Variants in GPC6 observed in about 807,000 individuals in gnomAD.
GPC6 encodes glypican-6.
In GPC6, 14 loss-of-function variants were observed where a neutral mutation model predicts 55.2. The observed-to-expected ratio is 0.25, with a 90% CI of 0.17 to 0.40. The LOEUF is 0.40. Among genes scored for constraint, GPC6 ranks in the 10% least tolerant of loss-of-function variants. GPC6 has a pLI of 1.00. For synonymous variants in GPC6, 278 were observed against 259.6 expected (o/e 1.07, Z -0.68); for missense variants, 641 against 708.5 (o/e 0.90, Z 1.08).
chr13:94,039,702 G>C (rs1315718555), intron 4 of GPC6, among the ~76,000 whole-genome samples: 1 of 151,840 alleles, frequency 6.6e-6, no homozygotes. Context: ...CAAACCATTG[G>C]AGGGTTTTCA....
chr13:93,731,686 A>T (rs1356638295), intron 2 of GPC6, among the ~76,000 whole-genome samples: 2 of 152,190 alleles, frequency 1.3e-5, no homozygotes, highest in East Asian at 1.9e-4. Flanking sequence ...TCCATTGTAC[A>T]TCTAGATATG....
At chr13:94,105,863 C>T (rs1022158847) in intron 4 of GPC6, among the ~76,000 whole-genome samples, 1 of 152,094 alleles carries the variant, frequency 6.6e-6, no homozygotes, top group Non-Finnish European at 1.5e-5. Flanking sequence ...GGTGTTAATG[C>T]CCACTGTAGG....
Position 93,495,543 on chromosome 13 carries a change from C to G in GPC6, c.161-49720C>G, listed in dbSNP as rs1027577875. On this transcript the variant is annotated intron_variant, in intron 1 of 8. Transcript: ENST00000377047. Reference sequence around the variant, plus strand: ...TCAGCTCGTCAAAATCATTCTCCATCCAGCTTTGTTCCGTTGCTGGTGAGG... The same window carrying G: ...TCAGCTCGTCAAAATCATTCTCCATGCAGCTTTGTTCCGTTGCTGGTGAGG... Among the ~76,000 whole-genome samples, 385 of 135,342 alleles carry G rather than the reference C, an allele frequency of 2.8e-3. 2 individuals carry two copies. The highest frequency in any genetic ancestry group is 4.8e-3 in the Non-Finnish European group (306 of 63,306). 88.8% of individuals were successfully genotyped at this position (135,342 alleles called of 152,430 possible). A position where few individuals can be genotyped will look rare whatever the true frequency, so the allele number is the denominator to read the frequency against.
At chr13:93,688,368 G>C (rs1410516405) in intron 2 of GPC6, among the ~76,000 whole-genome samples, 2 of 152,082 alleles carry the variant, frequency 1.3e-5, no homozygotes, top group Admixed American at 6.6e-5. Context: ...AGTTTTGGCT[G>C]TTCCTTAAAA....
intron 2 of GPC6, among the ~76,000 whole-genome samples, chr13:93,740,387 C>T (rs1007497614): frequency 5.9e-5 from 9 of 152,204 alleles, no homozygotes; most frequent in African/African-American, 2.2e-4. Context: ...GAGTCTAATT[C>T]CATGGACAAG....
chr13:93,404,785 G>A (rs1269890517), intron 1 of GPC6, among the ~76,000 whole-genome samples: 1 of 151,982 alleles, frequency 6.6e-6, no homozygotes, highest in Non-Finnish European at 1.5e-5. Flanking sequence ...TAGATTGGTA[G>A]ATTTCTATCA....
At chr13:93,868,019 G>T (rs1889020756) in intron 3 of GPC6, among the ~76,000 whole-genome samples, 1 of 151,744 alleles carries the variant, frequency 6.6e-6, no homozygotes, top group African/African-American at 2.4e-5. Flanking sequence ...TGAAGTCCCT[G>T]AGGTTACTCG....
At chr13:93,252,910 T>A (rs977136540) in intron 1 of GPC6, among the ~76,000 whole-genome samples, 1 of 152,266 alleles carries the variant, frequency 6.6e-6, no homozygotes, top group Non-Finnish European at 1.5e-5. Context: ...ATATTTTCTT[T>A]GAAAGATTGC....
At chr13:93,749,000 G>C (rs1884492244) in intron 2 of GPC6, among the ~76,000 whole-genome samples, 1 of 151,900 alleles carries the variant, frequency 6.6e-6, no homozygotes, top group African/African-American at 2.4e-5. Context: ...CTCTCAGTTG[G>C]ATTCAGTTTC....
intron 1 of GPC6, among the ~76,000 whole-genome samples, chr13:93,471,221 T>C (rs1879098986): frequency 6.6e-6 from 1 of 152,044 alleles, no homozygotes; most frequent in Non-Finnish European, 1.5e-5. Context: ...TCTTTTCTTA[T>C]ATAAGCATTT....
intron 3 of GPC6, among the ~76,000 whole-genome samples, chr13:93,986,195 T>C (rs183180054): frequency 5.3e-5 from 8 of 152,328 alleles, no homozygotes; most frequent in Admixed American, 5.2e-4. Flanking sequence ...TATCAGAATT[T>C]AATGCACGTA....
chr13:94,332,944 T>C (rs1877500432), intron 6 of GPC6, among the ~76,000 whole-genome samples: 1 of 152,232 alleles, frequency 6.6e-6, no homozygotes, highest in African/African-American at 2.4e-5. Flanking sequence ...TATGTTTACA[T>C]GAAGTTTCTG....
chr13:93,430,470 T>C (rs1336494822), intron 1 of GPC6, among the ~76,000 whole-genome samples: 1 of 152,092 alleles, frequency 6.6e-6, no homozygotes, highest in Non-Finnish European at 1.5e-5. Flanking sequence ...AAAGAGGAAA[T>C]GACTTGGGAA....
At chr13:93,710,993 C>G (rs1329635153) in intron 2 of GPC6, among the ~76,000 whole-genome samples, 1 of 151,746 alleles carries the variant, frequency 6.6e-6, no homozygotes, top group African/African-American at 2.4e-5. Context: ...CTTGTTCATT[C>G]TTTTTCCACC....
chr13:93,734,770 A>T (rs1933787), intron 2 of GPC6, among the ~76,000 whole-genome samples: 31,698 of 152,120 alleles, frequency 0.21, 3,922 homozygotes, highest in Non-Finnish European at 0.27. Context: ...TTGTAATTAC[A>T]TGTTTCCCTT....
At chr13:93,750,569 A>G (rs1038324551) in intron 2 of GPC6, among the ~76,000 whole-genome samples, 2 of 152,208 alleles carry the variant, frequency 1.3e-5, no homozygotes, top group African/African-American at 4.8e-5. Context: ...AGATAGATTC[A>G]GTGTAAAAAA....
intron 2 of GPC6, among the ~76,000 whole-genome samples, chr13:93,687,780 T>C (rs1882103254): frequency 1.8e-5 from 2 of 111,408 alleles, no homozygotes; most frequent in Admixed American, 8.8e-5. Context: ...CTACGTATCA[T>C]GAGAAGGGAC....
chr13:94,300,402 AAGACAC>A (rs1297669793), intron 5 of GPC6, among the ~76,000 whole-genome samples: 3 of 152,188 alleles, frequency 2.0e-5, no homozygotes, highest in Admixed American at 6.5e-5. Flanking sequence ...TTAGAAACCT[AAGACAC>A]AGCACTTAAA....
chr13:93,222,789 G>A (rs1358652838), upstream of GPC6, among the ~76,000 whole-genome samples: 2 of 152,148 alleles, frequency 1.3e-5, no homozygotes, highest in African/African-American at 4.8e-5. Context: ...ACTAACAATG[G>A]TGTAAACAAC....
Sources: gnomAD v4.1 joint callset for allele counts (sites outside exome capture counted in the v4.1 genomes callset) on GRCh38, gnomAD v4.1.1 for gene constraint, MANE v1.5 for transcripts, NCBI Gene and HGNC (gene_info 2026-07-23, HGNC 2026-07-21) for gene names.